NEK6: variants seen among roughly 807,000 people sequenced by gnomAD.
NEK6 encodes NIMA related kinase 6, also known as serine/threonine-protein kinase Nek6.
NEK6 carries 27 observed loss-of-function variants against 43.5 expected under a neutral mutation model. That is an observed-to-expected ratio of 0.62 (90% CI 0.46 to 0.86). The LOEUF (loss-of-function observed/expected upper bound fraction) is 0.86. Among genes scored for constraint, NEK6 ranks in the 40% least tolerant of loss-of-function variants. The pLI, the probability that NEK6 is intolerant of heterozygous loss-of-function variation, is 0.00. For missense variants in NEK6, 318 were observed against 414.4 expected (o/e 0.77, Z 2.02); for synonymous variants, 167 against 164.1 (o/e 1.02, Z -0.14).
At chr9:124,319,150 A>G (rs1296745358) in intron 4 of NEK6, among the ~76,000 whole-genome samples, 1 of 150,510 alleles carries the variant, frequency 6.6e-6, no homozygotes, top group Non-Finnish European at 1.5e-5. Context: ...ATGCCTGGCT[A>G]ATTTTCGTAT....
intron 1 of NEK6, among the ~76,000 whole-genome samples, chr9:124,283,519 G>T (rs780058168): frequency 6.6e-6 from 1 of 152,194 alleles, no homozygotes; most frequent in Non-Finnish European, 1.5e-5. Context: ...TTGGTATCGC[G>T]GGAGGGAGGG....
rs377113006 is a variant in NEK6 at position 124,312,490 on chromosome 9, C to T, written c.91-19C>T. ...CTGCAGCCTGGCTGCTCACGGAGGC[C>T]CTCTGTCCCCCGTTCCAGAGGCATC... On this transcript the variant is annotated intron_variant, in intron 2 of 9. Coordinates refer to ENST00000320246, the MANE Select transcript of NEK6 (RefSeq NM_014397.6). 1.2e-6 allele frequency: 2 copies of T among 1,609,630 alleles called. No individual in the cohort carries two copies. The highest frequency in any genetic ancestry group is 1.7e-6 in the Non-Finnish European group (2 of 1,177,928).
Position 124,321,388 on chromosome 9 carries a change from G to A in NEK6, c.295-71G>A, listed in dbSNP as rs565377971. ...AGTGACCGGGTGCCAGCAGGGTGCCGGTGGCAGGCAGGCACTGGGTCTGTC... is the reference window on the plus strand; with the variant it reads ...AGTGACCGGGTGCCAGCAGGGTGCCAGTGGCAGGCAGGCACTGGGTCTGTC... On this transcript the variant is annotated intron_variant, in intron 4 of 9. Coordinates refer to ENST00000320246, the MANE Select transcript of NEK6 (RefSeq NM_014397.6). 509 of 956,644 alleles carry A rather than the reference G, an allele frequency of 5.3e-4. 9 individuals are homozygous for A. The highest frequency in any genetic ancestry group is 4.4e-3 in the South Asian group (307 of 70,044). The allele number at this position is 956,644 out of a possible 1,614,324, so 59.3% of individuals were successfully genotyped here.
chr9:124,288,394 G>A (rs1832254649), intron 1 of NEK6, among the ~76,000 whole-genome samples: 1 of 152,110 alleles, frequency 6.6e-6, no homozygotes, highest in South Asian at 2.1e-4. Context: ...AAGTGATTCA[G>A]TGCTCAGCCT....
In NEK6 at chr9:124,351,150, G is replaced by C. The variant is rs138529813; in HGVS notation, c.*203G>C. The C allele has an allele frequency of 3.7e-6, 2 of 538,348 alleles. No individual in the cohort carries two copies. The highest frequency in any genetic ancestry group is 3.8e-5 in the African/African-American group (2 of 52,524). The allele number at this position is 538,348 out of a possible 1,614,324, so 33.3% of individuals were successfully genotyped here. ...GCTGGCCACATGTCACTGATGGTCA[G>C]ATTCCAAAGTCCTTTCTTTATACTG... is the stretch of plus-strand genomic sequence containing the variant. On this transcript the variant is annotated 3_prime_UTR_variant, in exon 10 of 10. Coordinates refer to ENST00000320246, the MANE Select transcript of NEK6 (RefSeq NM_014397.6).
intron 4 of NEK6, among the ~76,000 whole-genome samples, chr9:124,320,031 C>A (rs915908771): frequency 2.0e-5 from 3 of 152,248 alleles, no homozygotes; most frequent in African/African-American, 7.2e-5. Context: ...TCCCAGCCAC[C>A]CCTGGGAACC....
intron 1 of NEK6, among the ~76,000 whole-genome samples, chr9:124,272,537 T>G (rs1831487672): frequency 1.3e-5 from 2 of 152,246 alleles, no homozygotes; most frequent in African/African-American, 4.8e-5. Flanking sequence ...CATGCTGCCT[T>G]TCGTGTGAGG....
In NEK6 at chr9:124,273,472, G is replaced by A. The variant is rs141922021; in HGVS notation, c.-30+15387G>A. Among the ~76,000 whole-genome samples, 366 of 152,270 alleles carry A rather than the reference G, an allele frequency of 2.4e-3. 2 individuals carry two copies. The highest frequency in any genetic ancestry group is 4.4e-3 in the Non-Finnish European group (298 of 68,024). On this transcript the variant is annotated intron_variant, in intron 1 of 9. Coordinates refer to ENST00000320246, the MANE Select transcript of NEK6 (RefSeq NM_014397.6). ...AGGAGAAGACTTAAGAAATGACAGC[G>A]GGCAGTCAGGGCACGTGTGTCTGTG...
chr9:124,327,694 C>T (rs1275297124), intron 7 of NEK6, among the ~76,000 whole-genome samples: 2 of 152,216 alleles, frequency 1.3e-5, no homozygotes, highest in African/African-American at 2.4e-5. Flanking sequence ...CTGACTGAGC[C>T]GGTTGCTTGG....
chr9:124,277,543 G>T (rs561767697), intron 1 of NEK6, among the ~76,000 whole-genome samples: 4 of 152,282 alleles, frequency 2.6e-5, no homozygotes, highest in African/African-American at 9.6e-5. Context: ...CTCTCCCCTT[G>T]GCACCCTCAG....
chr9:124,271,827 A>G (rs1831449488), intron 1 of NEK6, among the ~76,000 whole-genome samples: 1 of 152,254 alleles, frequency 6.6e-6, no homozygotes, highest in South Asian at 2.1e-4. Flanking sequence ...TGTTCTTGGC[A>G]GGGAGCAGAT....
At chr9:124,280,167 C>G (rs199823255) in intron 1 of NEK6, among the ~76,000 whole-genome samples, 5 of 129,430 alleles carry the variant, frequency 3.9e-5, no homozygotes, top group Admixed American at 1.8e-4. Context: ...TCACACCGCC[C>G]AAAGAAACTT....
chr9:124,326,351 C>G lies in NEK6; in HGVS notation c.427C>G (p.Leu143Val), dbSNP rs775228582. Residue 143 changes from leucine (L) to valine (V), a missense_variant, in exon 6 of 10, where the codon CTC becomes GTC. By Grantham distance (32) the Leu-to-Val change is conservative. Around this residue, in one of 2 missense-constraint regions of NEK6, gnomAD observed 239 missense variants for 344.4 expected, o/e 0.69. Transcript: ENST00000320246. This position sits in a 1 kb window ranked among gnomAD's most constrained non-coding sequence, Gnocchi z 4.5. ...MIKYFKKQKR[L>V]IPERTVWKYF... The stretch of plus-strand genomic sequence containing the variant: ...GCAGTACTTTAAGAAGCAGAAGCGG[C>G]TCATCCCGGAGAGGACAGTATGGAA... 6.2e-7 allele frequency: 1 copy of G among 1,611,528 alleles called. No individual in the cohort carries two copies. The highest frequency in any genetic ancestry group is 8.5e-7 in the Non-Finnish European group (1 of 1,179,900).
intron 2 of NEK6, among the ~76,000 whole-genome samples, chr9:124,304,251 G>C (rs1833144443): frequency 6.6e-6 from 1 of 152,222 alleles, no homozygotes; most frequent in Non-Finnish European, 1.5e-5. Flanking sequence ...TCCCAGCCGT[G>C]TCTCGCCTGT....
intron 9 of NEK6, among the ~76,000 whole-genome samples, chr9:124,348,310 C>T (rs1830060251): frequency 6.6e-6 from 1 of 152,184 alleles, no homozygotes. Context: ...CTACTGTCAA[C>T]ATTTTACACT....
chr9:124,299,658 G>A (rs1056136595), intron 1 of NEK6, among the ~76,000 whole-genome samples: 4 of 152,120 alleles, frequency 2.6e-5, no homozygotes, highest in African/African-American at 9.7e-5. Context: ...TGAGGCCTGT[G>A]CTGAGGCAGA....
chr9:124,303,935 T>C (rs1314214330), intron 2 of NEK6, among the ~76,000 whole-genome samples: 1 of 152,284 alleles, frequency 6.6e-6, no homozygotes, highest in Non-Finnish European at 1.5e-5. Flanking sequence ...GGCCCTGTAA[T>C]TATTTCATGA....
rs567731034 is a variant in NEK6, at chr9:124,343,652, G to A, written c.717+3987G>A. 2.6e-5 allele frequency among the ~76,000 whole-genome samples: 4 copies of A among 152,122 alleles called. No individual in the cohort carries two copies. Among genetic ancestry groups the A allele is most frequent in the Admixed American group, 6.5e-5 (1 of 15,278 alleles). Reference sequence around the variant, plus strand: ...TTGGAAAGAGGCCTCCCGCAGTCACGCCCGGAGCCTCCCGCCCCACAGCCT... The same window carrying A: ...TTGGAAAGAGGCCTCCCGCAGTCACACCCGGAGCCTCCCGCCCCACAGCCT... On this transcript the variant is annotated intron_variant, in intron 8 of 9. Coordinates refer to ENST00000320246, the MANE Select transcript of NEK6 (RefSeq NM_014397.6). This position sits in a 1 kb window ranked among gnomAD's most constrained non-coding sequence, Gnocchi z 5.1.
intron 1 of NEK6, chr9:124,261,503 G>A: frequency 2.0e-6 from 2 of 985,466 alleles, no homozygotes; most frequent in Non-Finnish European, 2.4e-6. Flanking sequence ...CGCAGGAAGA[G>A]TCCGGTGTTC....
Sources: gnomAD v4.1 joint callset for allele counts (sites outside exome capture counted in the v4.1 genomes callset) on GRCh38, gnomAD v4.1.1 for gene constraint, gnomAD v4.1.1 regional missense constraint, Gnocchi (gnomAD v3.1) non-coding constraint, MANE v1.5 for transcripts, NCBI Gene and HGNC (gene_info 2026-07-23, HGNC 2026-07-21) for gene names.